KLF9: variants seen among roughly 807,000 people sequenced by gnomAD.
The protein encoded by KLF9 is KLF transcription factor 9, also known as Krueppel-like factor 9.
A neutral mutation model predicts 17.3 loss-of-function variants in KLF9; 2 were observed. The observed-to-expected ratio is 0.12, with a 90% CI of 0.05 to 0.36. The LOEUF is 0.36. KLF9 is among the 10% of genes least tolerant of loss of function. KLF9 has a pLI of 1.00. For missense variants in KLF9, 226 were observed against 333.2 expected, an observed-to-expected ratio of 0.68 and a Z score of 2.51; for synonymous variants, 138 against 139.2, an observed-to-expected ratio of 0.99 and a Z score of 0.06.
intron 1 of KLF9, among the ~76,000 whole-genome samples, chr9:70,409,562 CCA>C (rs1423294748): frequency 6.6e-6 from 1 of 151,970 alleles, no homozygotes; most frequent in Non-Finnish European, 1.5e-5. Context: ...TGAAAGGTAT[CCA>C]CAAAGTCAGG....
At chr9:70,388,289 C>T (rs1040186920) in intron 1 of KLF9, among the ~76,000 whole-genome samples, 1 of 152,178 alleles carries the variant, frequency 6.6e-6, no homozygotes, top group African/African-American at 2.4e-5. Flanking sequence ...GATGAGGACA[C>T]AGACATGTGA....
intron 1 of KLF9, among the ~76,000 whole-genome samples, chr9:70,390,632 TAC>T (rs375788345): frequency 6.6e-6 from 1 of 150,920 alleles, no homozygotes; most frequent in African/African-American, 2.4e-5. Context: ...GCTCAAACTT[TAC>T]ACACACACAC....
chr9:70,401,481 T>C (rs1003252898), intron 1 of KLF9, among the ~76,000 whole-genome samples: 1 of 151,452 alleles, frequency 6.6e-6, no homozygotes, highest in Non-Finnish European at 1.5e-5. Context: ...AGGTCAGAAG[T>C]TCGAGACCAT....
At chr9:70,402,943 A>C (rs2037232949) in intron 1 of KLF9, among the ~76,000 whole-genome samples, 1 of 152,156 alleles carries the variant, frequency 6.6e-6, no homozygotes, top group South Asian at 2.1e-4. Flanking sequence ...TGAGGTCAGG[A>C]GTTCAAGACA....
Position 70,406,522 on chromosome 9 carries a change from G to C in KLF9, c.505+6337C>G, listed in dbSNP as rs79815269. On this transcript the variant is annotated intron_variant, in intron 1 of 1. Coordinates refer to ENST00000377126, the MANE Select transcript of KLF9 (RefSeq NM_001206.4). ...TGATACTAACAACTGCTGCCACCAA[G>C]TGCTCTGAGTTAGGCCTAGGCCTGT... Among the ~76,000 whole-genome samples the C allele has an allele frequency of 4.0e-3, 606 of 152,316 alleles. 3 individuals carry two copies. Among genetic ancestry groups the C allele is most frequent in the African/African-American group, 0.014 (566 of 41,566 alleles).
rs73649118 is a variant in KLF9, at chr9:70,409,915, G to A, written c.505+2944C>T. 3.6e-3 allele frequency among the ~76,000 whole-genome samples: 551 copies of A among 152,226 alleles called. 4 individuals are homozygous for A. Among genetic ancestry groups the A allele is most frequent in the African/African-American group, 0.013 (523 of 41,532 alleles). On this transcript the variant is annotated intron_variant, in intron 1 of 1. Coordinates refer to ENST00000377126, the MANE Select transcript of KLF9 (RefSeq NM_001206.4). ...AGTGTTTCCTGATTTTTAAGGTGAC[G>A]TTCTGTACATTATACACAAACCACA... is the stretch of plus-strand genomic sequence containing the variant.
chr9:70,391,893 T>C (rs1013609095), intron 1 of KLF9, among the ~76,000 whole-genome samples: 1 of 152,250 alleles, frequency 6.6e-6, no homozygotes, highest in Admixed American at 6.5e-5. Context: ...TGCTCATTGG[T>C]TTAAGTATTA....
chr9:70,394,024 CAAAAA>C (rs10717844), intron 1 of KLF9, among the ~76,000 whole-genome samples: 3 of 80,540 alleles, frequency 3.7e-5, no homozygotes, highest in African/African-American at 4.7e-5. Context: ...GACCCTGTCT[CAAAAA>C]AAAAAAAAAA....
chr9:70,387,392 T>C lies in KLF9; in HGVS notation c.*384A>G. The C allele has an allele frequency of 3.8e-6, 1 of 261,244 alleles. No homozygotes were observed. The highest frequency in any genetic ancestry group is 4.8e-5 in the South Asian group (1 of 20,742). The allele number at this position is 261,244 out of a possible 1,614,324, so 16.2% of individuals were successfully genotyped here. On this transcript the variant is annotated 3_prime_UTR_variant, in exon 2 of 2. Coordinates refer to ENST00000377126, the MANE Select transcript of KLF9 (RefSeq NM_001206.4). Reference sequence around the variant, plus strand: ...GACATATGTACACCAGTGTTGAATCTTTAAAATTCTACCCCAGTCTTGGCC... The same window carrying C: ...GACATATGTACACCAGTGTTGAATCCTTAAAATTCTACCCCAGTCTTGGCC...
chr9:70,410,681 G>A (rs2037305476), intron 1 of KLF9, among the ~76,000 whole-genome samples: 1 of 152,142 alleles, frequency 6.6e-6, no homozygotes, highest in African/African-American at 2.4e-5. Context: ...CATTCCAAAT[G>A]CCATCTCTGC....
At chr9:70,408,129 T>A (rs1258827075) in intron 1 of KLF9, among the ~76,000 whole-genome samples, 1 of 152,138 alleles carries the variant, frequency 6.6e-6, no homozygotes, top group East Asian at 1.9e-4. Context: ...ATCCCAGAAC[T>A]TTGTGAGGCC....
rs1196885452 is a variant in KLF9 at position 70,390,380 on chromosome 9, A to T, written c.506-2375T>A. Among the ~76,000 whole-genome samples, 9 of 152,084 alleles carry T rather than the reference A, an allele frequency of 5.9e-5. No homozygotes were observed. The East Asian group carries it at 1.7e-3, about 29-fold the overall frequency. On this transcript the variant is annotated intron_variant, in intron 1 of 1. Transcript: ENST00000377126. The stretch of plus-strand genomic sequence containing the variant: ...TATTGATGCATTTTGATGCTCGGGG[A>T]TGGGGCTGCAAAGAGGAAAAAAAAA...
chr9:70,413,448 G>C lies in KLF9; in HGVS notation c.-85C>G, dbSNP rs368372431. 1.9e-5 allele frequency: 24 copies of C among 1,268,390 alleles called. No individual in the cohort carries two copies. Among genetic ancestry groups the C allele is most frequent in the Non-Finnish European group, 2.4e-5 (24 of 1,005,778 alleles). 78.6% of individuals were successfully genotyped at this position (1,268,390 alleles called of 1,614,324 possible). A position where few individuals can be genotyped will look rare whatever the true frequency, so the allele number is the denominator to read the frequency against. On this transcript the variant is annotated 5_prime_UTR_variant, in exon 1 of 2. Transcript: ENST00000377126. The surrounding 1 kb of genome is among the most constrained non-coding windows in gnomAD (Gnocchi z 5.6). ...GGCTCGCCCTGCCCTGGCCTCGGAC[G>C]ACGAGCGCGGCGCGGCGCGGCACGG... is the stretch of plus-strand genomic sequence containing the variant.
At position 70,387,743 on chromosome 9, in the gene KLF9, G is replaced by T; in HGVS notation, c.*33C>A. ...CTGGGAGTACTTTTCTCCTTTCGGG[G>T]TCCATCCCTCCCTGGCTTCCACGGG... On this transcript the variant is annotated 3_prime_UTR_variant, in exon 2 of 2. Transcript: ENST00000377126. 2 of 1,593,066 alleles carry T rather than the reference G, an allele frequency of 1.3e-6. No individual in the cohort carries two copies. The highest frequency in any genetic ancestry group is 1.7e-6 in the Non-Finnish European group (2 of 1,161,608).
intron 1 of KLF9, among the ~76,000 whole-genome samples, chr9:70,394,514 C>T (rs936096660): frequency 1.3e-5 from 2 of 151,988 alleles, no homozygotes; most frequent in Admixed American, 6.6e-5. Flanking sequence ...AAAGTCTAGC[C>T]CAAAGCATAA....
chr9:70,406,048 C>T (rs1441959729), intron 1 of KLF9, among the ~76,000 whole-genome samples: 1 of 152,154 alleles, frequency 6.6e-6, no homozygotes, highest in African/African-American at 2.4e-5. Context: ...TGGTTAATTC[C>T]ATGAAGCAGC....
At position 70,386,997 on chromosome 9, in the gene KLF9, C is replaced by A. The variant is rs1044201071; in HGVS notation, c.*779G>T. ...AGAAAATAAAAGTGCAGCTTATGTT[C>A]AAAAAGTACAACTCATACAAAGCAA... On this transcript the variant is annotated 3_prime_UTR_variant, in exon 2 of 2. Transcript: ENST00000377126. 1 of 152,582 alleles carries A rather than the reference C, an allele frequency of 6.6e-6. No homozygotes were observed. The highest frequency in any genetic ancestry group is 2.4e-5 in the African/African-American group (1 of 41,436). 9.5% of individuals were successfully genotyped at this position (152,582 alleles called of 1,614,324 possible).
At chr9:70,410,586 G>C (rs1587744108) in intron 1 of KLF9, among the ~76,000 whole-genome samples, 1 of 152,224 alleles carries the variant, frequency 6.6e-6, no homozygotes, top group African/African-American at 2.4e-5. Context: ...GAGCAAGCTG[G>C]AGGGTTTCTT....
intron 1 of KLF9, among the ~76,000 whole-genome samples, chr9:70,394,091 A>G (rs920831712): frequency 6.6e-6 from 1 of 151,786 alleles, no homozygotes; most frequent in African/African-American, 2.4e-5. Context: ...CATAGATAAA[A>G]GAAGAATTTG....
Sources: gnomAD v4.1 joint callset for allele counts (sites outside exome capture counted in the v4.1 genomes callset) on GRCh38, gnomAD v4.1.1 for gene constraint, Gnocchi (gnomAD v3.1) non-coding constraint, MANE v1.5 for transcripts, NCBI Gene and HGNC (gene_info 2026-07-23, HGNC 2026-07-21) for gene names.